Variants in CDYL2 observed in about 807,000 individuals in gnomAD.
CDYL2 encodes the protein chromodomain Y-like protein 2.
CDYL2 carries 23 observed loss-of-function variants against 49.4 expected under a neutral mutation model. That is an observed-to-expected ratio of 0.47 (90% CI 0.34 to 0.66). The LOEUF (loss-of-function observed/expected upper bound fraction) is 0.66, where lower values mean the gene tolerates loss of function less well. CDYL2 is among the 30% of genes least tolerant of loss of function. CDYL2 has a pLI of 0.01. For missense variants in CDYL2, 678 were observed against 656.4 expected (o/e 1.03, Z -0.36); for synonymous variants, 360 against 268.8 (o/e 1.34, Z -3.32).
chr16:80,713,504 C>T (rs1281457564), intron 1 of CDYL2, among the ~76,000 whole-genome samples: 1 of 152,142 alleles, frequency 6.6e-6, no homozygotes, highest in Non-Finnish European at 1.5e-5. Context: ...CCAAAGGTCC[C>T]TCTGAACCAT....
intron 2 of CDYL2, among the ~76,000 whole-genome samples, chr16:80,675,637 T>C (rs1314298316): frequency 6.6e-6 from 1 of 152,062 alleles, no homozygotes. Flanking sequence ...TGAAGTTTTA[T>C]TATTGTTTTG....
chr16:80,761,301 G>C (rs560846712), intron 1 of CDYL2, among the ~76,000 whole-genome samples: 115 of 152,306 alleles, frequency 7.6e-4, no homozygotes, highest in Non-Finnish European at 8.7e-4. Flanking sequence ...CTGAGGACCT[G>C]TGTGACTTTG....
intron 1 of CDYL2, among the ~76,000 whole-genome samples, chr16:80,729,157 A>T (rs962245871): frequency 1.1e-4 from 17 of 152,250 alleles, no homozygotes; most frequent in African/African-American, 3.6e-4. Flanking sequence ...CACACTGGCA[A>T]ATTGGATAAA....
intron 2 of CDYL2, among the ~76,000 whole-genome samples, chr16:80,644,870 C>G (rs539973364): frequency 7.9e-5 from 12 of 151,304 alleles, no homozygotes; most frequent in South Asian, 4.2e-4. Context: ...ACAAACCTGA[C>G]AAAAACAAGA....
intron 3 of CDYL2, among the ~76,000 whole-genome samples, chr16:80,621,273 T>C (rs1376567725): frequency 2.6e-5 from 4 of 152,232 alleles, no homozygotes; most frequent in Admixed American, 2.6e-4. Context: ...TTTGCTTATT[T>C]AGCCCTTTAC....
At chr16:80,750,733 T>C (rs1215459161) in intron 1 of CDYL2, among the ~76,000 whole-genome samples, 2 of 152,116 alleles carry the variant, frequency 1.3e-5, no homozygotes, top group African/African-American at 2.4e-5. Context: ...TAATAAACTA[T>C]TTCAGGCTGG....
At chr16:80,707,535 G>A (rs1334625675) in intron 1 of CDYL2, among the ~76,000 whole-genome samples, 1 of 152,172 alleles carries the variant, frequency 6.6e-6, no homozygotes, top group Non-Finnish European at 1.5e-5. Context: ...TCCTTCCAGA[G>A]GGCTCCTTCT....
intron 1 of CDYL2, among the ~76,000 whole-genome samples, chr16:80,729,172 T>C (rs918554546): frequency 7.9e-5 from 12 of 152,206 alleles, no homozygotes; most frequent in Non-Finnish European, 1.3e-4. Flanking sequence ...GATAAAGAGT[T>C]AAGACCCTTC....
chr16:80,705,145 A>G (rs1303624886), intron 1 of CDYL2, among the ~76,000 whole-genome samples: 1 of 152,228 alleles, frequency 6.6e-6, no homozygotes, highest in Non-Finnish European at 1.5e-5. Flanking sequence ...CCGAATGCCC[A>G]CCAGGGCAGA....
chr16:80,636,749 C>T (rs1313560243), intron 2 of CDYL2, among the ~76,000 whole-genome samples: 1 of 152,146 alleles, frequency 6.6e-6, no homozygotes, highest in East Asian at 1.9e-4. Flanking sequence ...AAGACACATG[C>T]ACACGTATGT....
At chr16:80,679,185 T>A (rs1438081194) in intron 2 of CDYL2, among the ~76,000 whole-genome samples, 1 of 151,716 alleles carries the variant, frequency 6.6e-6, no homozygotes, top group African/African-American at 2.4e-5. Flanking sequence ...GTGGGTGCAT[T>A]GTGCCAGCAT....
chr16:80,800,044 T>A (rs1907879956), intron 1 of CDYL2, among the ~76,000 whole-genome samples: 1 of 152,212 alleles, frequency 6.6e-6, no homozygotes, highest in East Asian at 1.9e-4. Context: ...CTAGCTTGTT[T>A]ATACTTTGCA....
At chr16:80,647,950 A>C (rs988339030) in intron 2 of CDYL2, among the ~76,000 whole-genome samples, 4 of 152,146 alleles carry the variant, frequency 2.6e-5, no homozygotes, top group African/African-American at 9.6e-5. Flanking sequence ...AATTGAAAAA[A>C]TTCTTGAAAC....
chr16:80,729,502 G>A lies in CDYL2; in HGVS notation c.25-44373C>T, dbSNP rs556631743. 7.4e-3 allele frequency among the ~76,000 whole-genome samples: 1,126 copies of A among 151,968 alleles called. 19 individuals carry two copies. Among genetic ancestry groups the A allele is most frequent in the African/African-American group, 0.025 (1,046 of 41,392 alleles). On this transcript the variant is annotated intron_variant, in intron 1 of 6. Transcript: ENST00000570137. The stretch of plus-strand genomic sequence containing the variant: ...CTTAGACTCCCACACAGTAATAATG[G>A]GAGACTTTAACACCCCACTGTCAAC...
chr16:80,641,784 T>C (rs1468809385), intron 2 of CDYL2, among the ~76,000 whole-genome samples: 1 of 147,346 alleles, frequency 6.8e-6, no homozygotes, highest in African/African-American at 2.5e-5. Flanking sequence ...CATTAGGAGA[T>C]ATACCTAACG....
intron 2 of CDYL2, among the ~76,000 whole-genome samples, chr16:80,674,363 G>A (rs532437272): frequency 6.6e-5 from 10 of 152,256 alleles, no homozygotes; most frequent in African/African-American, 1.9e-4. Context: ...CCTTGCACAT[G>A]GCAAGCAGTA....
chr16:80,673,273 T>C (rs1471144888), intron 2 of CDYL2, among the ~76,000 whole-genome samples: 1 of 152,042 alleles, frequency 6.6e-6, no homozygotes, highest in African/African-American at 2.4e-5. Flanking sequence ...TGAGCCAAGA[T>C]CATGCCATTG....
intron 1 of CDYL2, among the ~76,000 whole-genome samples, chr16:80,709,561 GACACACACACACACAC>G (rs10673992): frequency 2.1e-5 from 3 of 143,654 alleles, no homozygotes; most frequent in African/African-American, 7.7e-5. Flanking sequence ...GGAATAAACA[GACACACACACACACAC>G]ACACACACAC....
intron 1 of CDYL2, among the ~76,000 whole-genome samples, chr16:80,691,231 T>C (rs1304223272): frequency 6.6e-6 from 1 of 152,110 alleles, no homozygotes; most frequent in Non-Finnish European, 1.5e-5. Context: ...ACAACTCCCT[T>C]GGGGGCGGAA....
Sources: allele counts gnomAD v4.1 joint callset (sites outside exome capture counted in the v4.1 genomes callset), GRCh38; gene constraint gnomAD v4.1.1; transcripts MANE v1.5; gene names NCBI Gene and HGNC (gene_info 2026-07-23, HGNC 2026-07-21).